Variants in SLC35F1 observed in about 807,000 individuals in gnomAD.
SLC35F1 encodes solute carrier family 35 member F1.
In SLC35F1, 14 loss-of-function variants were observed where a neutral mutation model predicts 48.7. The ratio of observed to expected loss-of-function variants is 0.29; its 90% confidence interval spans 0.19 to 0.45. SLC35F1 has a LOEUF of 0.45. Ranked by LOEUF, SLC35F1 falls within the 20% of genes least tolerant of loss-of-function variation. SLC35F1 has a pLI of 1.00. For synonymous variants in SLC35F1, 190 were observed against 202.2 expected (o/e 0.94, Z 0.51); for missense variants, 404 against 500.0 (o/e 0.81, Z 1.83).
At chr6:117,963,931 C>A (rs184685809) in intron 1 of SLC35F1, among the ~76,000 whole-genome samples, 3 of 152,226 alleles carry the variant, frequency 2.0e-5, no homozygotes, top group East Asian at 1.9e-4. Context: ...AGGTATTAAG[C>A]CCCACATGCA....
chr6:117,962,228 T>C (rs531804664), intron 1 of SLC35F1, among the ~76,000 whole-genome samples: 1 of 152,180 alleles, frequency 6.6e-6, no homozygotes, highest in Non-Finnish European at 1.5e-5. Context: ...TTTCCCATCC[T>C]GTCTATCAGC....
intron 7 of SLC35F1, among the ~76,000 whole-genome samples, chr6:118,297,480 G>A (rs1408049853): frequency 6.6e-6 from 1 of 151,730 alleles, no homozygotes; most frequent in Non-Finnish European, 1.5e-5. Flanking sequence ...GATTCACTGC[G>A]GAAGTGCTAT....
At chr6:118,309,169 ATGTGTGTGTGTGTGTGTGTG>A (rs57832608) in intron 7 of SLC35F1, among the ~76,000 whole-genome samples, 3 of 148,104 alleles carry the variant, frequency 2.0e-5, no homozygotes, top group African/African-American at 5.0e-5. Context: ...GGGCCTGTAG[ATGTGTGTGTGTGTGTGTGTG>A]TGTGTGTGTG....
intron 7 of SLC35F1, among the ~76,000 whole-genome samples, chr6:118,295,855 C>A (rs1776176946): frequency 6.6e-6 from 1 of 152,174 alleles, no homozygotes; most frequent in Admixed American, 6.6e-5. Context: ...GGGAAACTGG[C>A]ATCTCTGAAG....
chr6:117,923,203 T>C (rs897706309), intron 1 of SLC35F1, among the ~76,000 whole-genome samples: 5 of 152,086 alleles, frequency 3.3e-5, no homozygotes, highest in Non-Finnish European at 5.9e-5. Flanking sequence ...CCAGATGAAG[T>C]TTATTTCTAA....
chr6:118,199,953 T>A (rs1012854695), intron 2 of SLC35F1, among the ~76,000 whole-genome samples: 3 of 152,180 alleles, frequency 2.0e-5, no homozygotes, highest in African/African-American at 4.8e-5. Flanking sequence ...TAAATCTTTT[T>A]AAAAATTTTT....
chr6:118,051,275 T>TCA (rs945823236), intron 1 of SLC35F1, among the ~76,000 whole-genome samples: 19 of 152,248 alleles, frequency 1.2e-4, no homozygotes, highest in Admixed American at 3.9e-4. Context: ...AAAAAGAAGC[T>TCA]CAAAGTGTAT....
At chr6:118,296,399 G>T (rs1461450990) in intron 7 of SLC35F1, among the ~76,000 whole-genome samples, 3 of 152,106 alleles carry the variant, frequency 2.0e-5, no homozygotes, top group African/African-American at 7.2e-5. Flanking sequence ...CCATTCTCTT[G>T]GCCAAAACTC....
chr6:118,195,895 C>T (rs986840683), intron 2 of SLC35F1, among the ~76,000 whole-genome samples: 2 of 152,154 alleles, frequency 1.3e-5, no homozygotes, highest in Non-Finnish European at 2.9e-5. Context: ...GTGTTCACTC[C>T]GCACTCCTGG....
At chr6:118,055,942 T>C (rs376190608) in intron 1 of SLC35F1, among the ~76,000 whole-genome samples, 2 of 152,358 alleles carry the variant, frequency 1.3e-5, no homozygotes. Context: ...ATCTTCTGCC[T>C]GTAGTCAGCA....
intron 2 of SLC35F1, among the ~76,000 whole-genome samples, chr6:118,200,526 A>T (rs940773867): frequency 2.0e-5 from 3 of 152,314 alleles, no homozygotes; most frequent in Non-Finnish European, 4.4e-5. Flanking sequence ...AAATCATACC[A>T]GGGTTAAGTA....
At chr6:118,191,955 C>G (rs1774738826) in intron 2 of SLC35F1, among the ~76,000 whole-genome samples, 1 of 152,064 alleles carries the variant, frequency 6.6e-6, no homozygotes, top group Non-Finnish European at 1.5e-5. Context: ...GTCACCACAC[C>G]AATATATTTA....
At chr6:117,912,803 T>A (rs1434481906) in intron 1 of SLC35F1, among the ~76,000 whole-genome samples, 1 of 152,186 alleles carries the variant, frequency 6.6e-6, no homozygotes, top group African/African-American at 2.4e-5. Context: ...AATGTTCACA[T>A]TAAAGGGATA....
intron 1 of SLC35F1, among the ~76,000 whole-genome samples, chr6:117,913,497 C>T (rs1172238114): frequency 6.6e-6 from 1 of 152,128 alleles, no homozygotes; most frequent in East Asian, 1.9e-4. Flanking sequence ...AAATGCTTCC[C>T]AGTGTCTAGA....
chr6:118,146,354 C>G (rs1486435086), intron 1 of SLC35F1, among the ~76,000 whole-genome samples: 1 of 152,124 alleles, frequency 6.6e-6, no homozygotes, highest in African/African-American at 2.4e-5. Context: ...ACTTTAAATT[C>G]CTCTGTGCTT....
intron 2 of SLC35F1, among the ~76,000 whole-genome samples, chr6:118,210,958 G>T (rs1258837168): frequency 6.6e-6 from 1 of 152,154 alleles, no homozygotes; most frequent in African/African-American, 2.4e-5. Flanking sequence ...TGAAGACAGG[G>T]TCTTTAAATA....
At position 118,301,723 on chromosome 6, in the gene SLC35F1, G is replaced by A. The variant is rs77572532; in HGVS notation, c.1003-12305G>A. Among the ~76,000 whole-genome samples the A allele has an allele frequency of 2.5e-3, 380 of 152,280 alleles. 2 individuals carry two copies. Among genetic ancestry groups the A allele is most frequent in the Non-Finnish European group, 4.6e-3 (314 of 68,020 alleles). On this transcript the variant is annotated intron_variant, in intron 7 of 7. Transcript: ENST00000360388. ...CAGCAAACTTTTCCATGAAGGGGCAGATTATAAATATTTTAGGCTTTGCAG... is the reference window on the plus strand; with the variant it reads ...CAGCAAACTTTTCCATGAAGGGGCAAATTATAAATATTTTAGGCTTTGCAG...
chr6:117,908,002 G>A (rs1288617800), intron 1 of SLC35F1, 103 bp downstream of exon 1: 18 of 1,129,756 alleles, frequency 1.6e-5, no homozygotes, highest in Non-Finnish European at 2.0e-5. Flanking sequence ...TTTGGGACGG[G>A]GTTGCGGCCG....
At chr6:118,126,734 T>C (rs1272842347) in intron 1 of SLC35F1, among the ~76,000 whole-genome samples, 5 of 151,314 alleles carry the variant, frequency 3.3e-5, no homozygotes, top group South Asian at 2.1e-4. Flanking sequence ...TTTTATTCTC[T>C]TTGAAGCAAT....
Sources: gnomAD v4.1 joint callset for allele counts (sites outside exome capture counted in the v4.1 genomes callset) on GRCh38, gnomAD v4.1.1 for gene constraint, MANE v1.5 for transcripts, NCBI Gene and HGNC (gene_info 2026-07-23, HGNC 2026-07-21) for gene names.